CTNNA3: variants seen among roughly 807,000 people sequenced by gnomAD.
CTNNA3 encodes the protein catenin alpha-3.
Under a neutral mutation model 95.7 loss-of-function variants are expected in CTNNA3, and 76 were observed. That is an observed-to-expected ratio of 0.79 (90% confidence interval 0.66 to 0.96). The LOEUF (loss-of-function observed/expected upper bound fraction) is 0.96, where lower values mean the gene tolerates loss of function less well. CTNNA3 is among the 40% of genes least tolerant of loss of function. CTNNA3 has a pLI of 0.00. For missense variants in CTNNA3, 1,191 were observed against 1,089.8 expected, an observed-to-expected ratio of 1.09 and a Z score of -1.31; for synonymous variants, 431 against 374.4, an observed-to-expected ratio of 1.15 and a Z score of -1.74.
intron 7 of CTNNA3, among the ~76,000 whole-genome samples, chr10:67,086,404 T>C (rs1220486289): frequency 2.6e-5 from 4 of 152,032 alleles, no homozygotes; most frequent in Non-Finnish European, 5.9e-5. Context: ...ATTAATTTAG[T>C]AATGAAGTTG....
Position 67,749,888 on chromosome 10 carries a change from A to T in CTNNA3, c.-2+13546T>A, listed in dbSNP as rs181698074. ...AGTGAATCCAGGAGCTGGTTTTTTGAAAAAAATTAATAAAATAGATAGACC... is the reference window on the plus strand; with the variant it reads ...AGTGAATCCAGGAGCTGGTTTTTTGTAAAAAATTAATAAAATAGATAGACC... On this transcript the variant is annotated intron_variant, in intron 1 of 17. Coordinates refer to the CTNNA3 transcript ENST00000684154. 2.5e-3 allele frequency among the ~76,000 whole-genome samples: 375 copies of T among 152,276 alleles called. 2 individuals are homozygous for T. The highest frequency in any genetic ancestry group is 8.5e-3 in the African/African-American group (353 of 41,564).
At chr10:67,341,333 T>C (rs752940503) in intron 5 of CTNNA3, among the ~76,000 whole-genome samples, 7 of 152,128 alleles carry the variant, frequency 4.6e-5, no homozygotes, top group Non-Finnish European at 1.0e-4. Flanking sequence ...CATCTCTGCG[T>C]CACCTCCCCA....
intron 1 of CTNNA3, among the ~76,000 whole-genome samples, chr10:67,738,459 C>CA (rs1841315411): frequency 6.6e-6 from 1 of 152,094 alleles, no homozygotes; most frequent in Non-Finnish European, 1.5e-5. Flanking sequence ...CATCAAAGAC[C>CA]AAAGGTAGAT....
chr10:67,544,502 G>C (rs924455307), intron 3 of CTNNA3, among the ~76,000 whole-genome samples: 15 of 152,128 alleles, frequency 9.9e-5, no homozygotes, highest in Non-Finnish European at 2.2e-4. Context: ...GATCAAGGCA[G>C]TAAATGTATA....
At chr10:66,468,132 G>A (rs3802552) in intron 11 of CTNNA3, among the ~76,000 whole-genome samples, 9,411 of 151,910 alleles carry the variant, frequency 0.062, 606 homozygotes, top group African/African-American at 0.16. Context: ...ATTTGTTGTT[G>A]GCTGTCCGAA....
At chr10:67,272,624 C>A (rs1214039482) in intron 5 of CTNNA3, among the ~76,000 whole-genome samples, 1 of 152,104 alleles carries the variant, frequency 6.6e-6, no homozygotes, top group Non-Finnish European at 1.5e-5. Context: ...TTTATTAATT[C>A]ATTGTTGTGG....
At chr10:67,380,400 G>A (rs1404507465) in intron 5 of CTNNA3, among the ~76,000 whole-genome samples, 1 of 152,184 alleles carries the variant, frequency 6.6e-6, no homozygotes, top group Non-Finnish European at 1.5e-5. Context: ...TATTCCTGGA[G>A]ATTAACTGTA....
At chr10:67,668,701 G>C (rs1329665561) in intron 1 of CTNNA3, among the ~76,000 whole-genome samples, 2 of 151,990 alleles carry the variant, frequency 1.3e-5, no homozygotes, top group Non-Finnish European at 2.9e-5. Context: ...GTGCTACTCA[G>C]AATGGCACAC....
intron 5 of CTNNA3, among the ~76,000 whole-genome samples, chr10:67,418,700 T>G (rs1845631556): frequency 6.6e-6 from 1 of 152,086 alleles, no homozygotes; most frequent in African/African-American, 2.4e-5. Flanking sequence ...GGGGCATTAT[T>G]GGTTAAAGAA....
In CTNNA3 at chr10:66,720,341, C is replaced by T. The variant is rs560913235; in HGVS notation, c.1281+45923G>A. Among the ~76,000 whole-genome samples the T allele has an allele frequency of 2.0e-5, 3 of 151,500 alleles. No homozygotes were observed. In the East Asian group the frequency reaches 6.1e-4, roughly 31 times the overall value. ...TTGACTCCCAAGCTTGCTTTATAAACAGCTGGAGAGCAAAGCAAAACTTCA... is the reference window on the plus strand; with the variant it reads ...TTGACTCCCAAGCTTGCTTTATAAATAGCTGGAGAGCAAAGCAAAACTTCA... On this transcript the variant is annotated intron_variant, in intron 9 of 17. Coordinates refer to ENST00000433211, the MANE Select transcript of CTNNA3 (RefSeq NM_013266.4).
At chr10:67,544,235 A>G (rs1490181357) in intron 3 of CTNNA3, among the ~76,000 whole-genome samples, 3 of 152,226 alleles carry the variant, frequency 2.0e-5, no homozygotes, top group African/African-American at 4.8e-5. Flanking sequence ...AAGGGAGAAT[A>G]ACAGAGACCA....
rs545240214 is a variant in CTNNA3 at position 67,219,740 on chromosome 10, C to T, written c.710G>A (p.Ser237Asn). Residue 237 changes from serine (S) to asparagine (N), a missense_variant, in exon 6 of 18, where the codon AGC becomes AAC. Ser to Asn is a conservative substitution (Grantham distance 46, BLOSUM62 1). Coordinates refer to ENST00000433211, the MANE Select transcript of CTNNA3 (RefSeq NM_013266.4). The part of the protein sequence containing the change: ...EHSDVASLKA[S>N]KDTVCEEIQN... ...AATTTCTTCACAAACTGTGTCCTTG[C>T]TTGCTTTGAGGGAAGCAACATCAGA... 1.2e-6 allele frequency: 2 copies of T among 1,614,062 alleles called. No individual in the cohort carries two copies. Among genetic ancestry groups the T allele is most frequent in the Admixed American group, 1.7e-5 (1 of 60,014 alleles).
chr10:67,233,195 C>T (rs904606751), intron 5 of CTNNA3, among the ~76,000 whole-genome samples: 2 of 152,300 alleles, frequency 1.3e-5, no homozygotes, highest in East Asian at 1.9e-4. Context: ...CACCCCAAAT[C>T]GACAGAATAT....
In CTNNA3 at chr10:66,566,881, TC is replaced by T. The variant is rs535125653; in HGVS notation, c.1375-46109del. Among the ~76,000 whole-genome samples, 1,004 of 151,292 alleles carry T rather than the reference TC, an allele frequency of 6.6e-3. 13 individuals carry two copies. The highest frequency in any genetic ancestry group is 0.023 in the African/African-American group (959 of 41,170). On this transcript the variant is annotated intron_variant, in intron 10 of 17. Transcript: ENST00000433211. ...TCACAGATTTCTGCTTTACTACTTTTCTGAATTTGTAAAACACAAAGAGAGG... is the reference window on the plus strand; with the variant it reads ...TCACAGATTTCTGCTTTACTACTTTTTGAATTTGTAAAACACAAAGAGAGG...
chr10:66,570,195 C>CA, intron 10 of CTNNA3, among the ~76,000 whole-genome samples: 2 of 152,300 alleles, frequency 1.3e-5, no homozygotes, highest in Middle Eastern at 6.8e-3. Flanking sequence ...TGTCTCTCCA[C>CA]ATTACCCCTG....
intron 7 of CTNNA3, among the ~76,000 whole-genome samples, chr10:67,127,603 C>T (rs1859777674): frequency 6.6e-6 from 1 of 152,138 alleles, no homozygotes. Context: ...CTTCATATCA[C>T]TCCCCAACAT....
intron 1 of CTNNA3, among the ~76,000 whole-genome samples, chr10:67,681,280 T>C (rs1381422721): frequency 2.6e-5 from 4 of 152,178 alleles, no homozygotes; most frequent in African/African-American, 7.2e-5. Flanking sequence ...TTAAAACATA[T>C]TATGAAATGA....
At chr10:67,255,619 A>G (rs937706349) in intron 5 of CTNNA3, among the ~76,000 whole-genome samples, 10 of 152,176 alleles carry the variant, frequency 6.6e-5, no homozygotes, top group Non-Finnish European at 1.5e-5. Flanking sequence ...AGAAACTGAC[A>G]TGCAAACATA....
At chr10:66,348,138 C>T (rs147877590) in intron 12 of CTNNA3, among the ~76,000 whole-genome samples, 12 of 152,194 alleles carry the variant, frequency 7.9e-5, no homozygotes, top group African/African-American at 2.9e-4. Context: ...AATCCTGACT[C>T]TTAAGCCTCT....
Sources: allele counts gnomAD v4.1 joint callset (sites outside exome capture counted in the v4.1 genomes callset), GRCh38; gene constraint gnomAD v4.1.1; transcripts MANE v1.5; gene names NCBI Gene and HGNC (gene_info 2026-07-23, HGNC 2026-07-21).